AP3S1: variants seen among roughly 807,000 people sequenced by gnomAD.
The protein encoded by AP3S1 is adaptor related protein complex 3 subunit sigma 1.
AP3S1 carries 12 observed loss-of-function variants against 21.3 expected under a neutral mutation model. That is an observed-to-expected ratio of 0.56 (90% CI 0.36 to 0.91). The LOEUF (loss-of-function observed/expected upper bound fraction) is 0.91. AP3S1 is among the 40% of genes least tolerant of loss of function. The probability of loss-of-function intolerance (pLI) is 0.01; values close to 1 mark genes in which losing one functional copy is unlikely to be tolerated. For missense variants in AP3S1, 116 were observed against 225.0 expected (o/e 0.52, Z 3.10); for synonymous variants, 48 against 78.4 (o/e 0.61, Z 2.05).
At chr5:115,897,564 T>A (rs1750856866) in intron 4 of AP3S1, among the ~76,000 whole-genome samples, 1 of 151,936 alleles carries the variant, frequency 6.6e-6, no homozygotes, top group African/African-American at 2.4e-5. Flanking sequence ...CAGCTCACAT[T>A]TTCTTTTTTT....
intron 1 of AP3S1, 110 bp downstream of exon 1, chr5:115,842,216 C>T: frequency 1.4e-6 from 2 of 1,396,756 alleles, no homozygotes; most frequent in Non-Finnish European, 1.9e-6. Context: ...GGCCCTTGTC[C>T]CGTCCCGGCC....
At chr5:115,887,807 C>T (rs10519432) in intron 3 of AP3S1, among the ~76,000 whole-genome samples, 26,872 of 151,866 alleles carry the variant, frequency 0.18, 2,624 homozygotes, top group African/African-American at 0.2. Flanking sequence ...GTACTAACTA[C>T]AAAGCTGTCA....
At chr5:115,868,659 A>C (rs1747913095) in intron 2 of AP3S1, among the ~76,000 whole-genome samples, 1 of 151,926 alleles carries the variant, frequency 6.6e-6, no homozygotes, top group African/African-American at 2.4e-5. Context: ...AGGCGTGCAG[A>C]TCTCCTGAGC....
chr5:115,888,700 C>T (rs1319432379), intron 3 of AP3S1, among the ~76,000 whole-genome samples: 1 of 151,892 alleles, frequency 6.6e-6, no homozygotes, highest in Non-Finnish European at 1.5e-5. Flanking sequence ...TAACAAATTA[C>T]AGTGTCTTGG....
chr5:115,871,888 A>G (rs1748289087), intron 3 of AP3S1, among the ~76,000 whole-genome samples: 1 of 152,160 alleles, frequency 6.6e-6, no homozygotes, highest in South Asian at 2.1e-4. Context: ...GCACAGATAA[A>G]ATTGGCTTTT....
chr5:115,882,640 G>A (rs984477014), intron 3 of AP3S1, among the ~76,000 whole-genome samples: 1 of 152,148 alleles, frequency 6.6e-6, no homozygotes, highest in Non-Finnish European at 1.5e-5. Context: ...CTGTTGACCC[G>A]TGCTGGGAGG....
chr5:115,911,096 A>G (rs1457769382), intron 5 of AP3S1, among the ~76,000 whole-genome samples: 1 of 152,136 alleles, frequency 6.6e-6, no homozygotes, highest in African/African-American at 2.4e-5. Context: ...TATTGACTTT[A>G]TGTATTCTTG....
chr5:115,883,102 A>G (rs771477949), intron 3 of AP3S1, among the ~76,000 whole-genome samples: 1 of 152,232 alleles, frequency 6.6e-6, no homozygotes, highest in Non-Finnish European at 1.5e-5. Flanking sequence ...GCTGGCAGCA[A>G]ATATTCAAGC....
At chr5:115,876,452 A>T (rs774334688) in intron 3 of AP3S1, among the ~76,000 whole-genome samples, 2 of 152,174 alleles carry the variant, frequency 1.3e-5, no homozygotes, top group Non-Finnish European at 2.9e-5. Flanking sequence ...TCATGTCCTA[A>T]TGTAGAATGG....
chr5:115,875,981 G>A (rs1009605715), intron 3 of AP3S1, among the ~76,000 whole-genome samples: 3 of 152,104 alleles, frequency 2.0e-5, no homozygotes, highest in Non-Finnish European at 4.4e-5. Context: ...CAAATTTGAT[G>A]ATAACTGCTT....
chr5:115,891,007 C>A (rs942647763), intron 3 of AP3S1, among the ~76,000 whole-genome samples: 10 of 152,144 alleles, frequency 6.6e-5, no homozygotes, highest in Non-Finnish European at 1.5e-4. Context: ...AGCATTACCC[C>A]ATTCAGTCCT....
chr5:115,860,300 G>T (rs1363662028), intron 1 of AP3S1, among the ~76,000 whole-genome samples: 1 of 152,182 alleles, frequency 6.6e-6, no homozygotes, highest in Non-Finnish European at 1.5e-5. Flanking sequence ...CTTCATCTCA[G>T]AGTCCTTAAT....
At chr5:115,894,958 A>G (rs1750624643) in intron 3 of AP3S1, 129 bp from the exon 4 acceptor site, 2 of 593,104 alleles carry the variant, frequency 3.4e-6, no homozygotes, top group African/African-American at 1.9e-5. Flanking sequence ...GCATTAATAC[A>G]ATTTTTAGTT....
chr5:115,875,923 T>C (rs1195633407), intron 3 of AP3S1, among the ~76,000 whole-genome samples: 1 of 152,210 alleles, frequency 6.6e-6, no homozygotes, highest in African/African-American at 2.4e-5. Context: ...ATTGCAAATA[T>C]AATAATTCTC....
chr5:115,888,819 A>G (rs375220358), intron 3 of AP3S1, among the ~76,000 whole-genome samples: 8 of 152,276 alleles, frequency 5.3e-5, no homozygotes, highest in Admixed American at 2.6e-4. Context: ...GAACAGCCAG[A>G]TAAATAATTC....
intron 4 of AP3S1, among the ~76,000 whole-genome samples, chr5:115,896,689 G>T (rs1278612873): frequency 3.3e-5 from 5 of 152,180 alleles, no homozygotes; most frequent in Non-Finnish European, 5.9e-5. Flanking sequence ...TGAGGAAAGA[G>T]GATCACCTGT....
intron 4 of AP3S1, among the ~76,000 whole-genome samples, chr5:115,895,535 CAG>C (rs1750686672): frequency 6.6e-6 from 1 of 152,084 alleles, no homozygotes; most frequent in South Asian, 2.1e-4. Context: ...GTCCTACTGA[CAG>C]AGATATAAAA....
chr5:115,884,429 G>A (rs1214224138), intron 3 of AP3S1, among the ~76,000 whole-genome samples: 1 of 152,156 alleles, frequency 6.6e-6, no homozygotes, highest in Non-Finnish European at 1.5e-5. Flanking sequence ...GCCGGGCATG[G>A]TGGTGCGCGC....
intron 1 of AP3S1, among the ~76,000 whole-genome samples, chr5:115,844,858 C>T (rs941390162): frequency 2.0e-5 from 3 of 152,132 alleles, no homozygotes; most frequent in Non-Finnish European, 4.4e-5. Flanking sequence ...TGGCAGCCAT[C>T]CTATAGAATA....
Sources: allele counts gnomAD v4.1 joint callset (sites outside exome capture counted in the v4.1 genomes callset), GRCh38; gene constraint gnomAD v4.1.1; transcripts MANE v1.5; gene names NCBI Gene and HGNC (gene_info 2026-07-23, HGNC 2026-07-21).